Variants in LMO3 observed in about 807,000 individuals in gnomAD.
LMO3 encodes LIM domain only 3.
A neutral mutation model predicts 15.8 loss-of-function variants in LMO3; 2 were observed. That is an observed-to-expected ratio of 0.13 (90% CI 0.05 to 0.40). LMO3 has a LOEUF of 0.40. Among genes scored for constraint, LMO3 ranks in the 10% least tolerant of loss-of-function variants. The probability of loss-of-function intolerance (pLI) is 0.99; values close to 1 mark genes in which losing one functional copy is unlikely to be tolerated. For missense variants in LMO3, 86 were observed against 182.2 expected, an observed-to-expected ratio of 0.47 and a Z score of 3.04; for synonymous variants, 62 against 63.8, an observed-to-expected ratio of 0.97 and a Z score of 0.13.
At chr12:16,605,732 A>C in intron 1 of LMO3, 2 of 1,529,502 alleles carry the variant, frequency 1.3e-6, no homozygotes, top group East Asian at 2.4e-5. Context: ...ACTGCAGTTC[A>C]TGGTGAACTT....
At chr12:16,564,665 G>C (rs1183265812) in intron 2 of LMO3, among the ~76,000 whole-genome samples, 1 of 152,148 alleles carries the variant, frequency 6.6e-6, no homozygotes, top group East Asian at 1.9e-4. Context: ...CATAGTATTT[G>C]ACTCAAAGTA....
rs1237534587 is a variant in LMO3 at position 16,605,439 on chromosome 12, C to G, written c.-9+627G>C. 23 of 644,882 alleles carry G rather than the reference C, an allele frequency of 3.6e-5. 1 individual carries two copies. In the South Asian group the frequency reaches 8.6e-4, roughly 24 times the overall value. 39.9% of individuals were successfully genotyped at this position (644,882 alleles called of 1,614,324 possible). On this transcript the variant is annotated intron_variant, in intron 1 of 3. Transcript: ENST00000537304. The stretch of plus-strand genomic sequence containing the variant: ...CCACTTCTGCCCCTACCCGCCTGCC[C>G]CCCCCCCCCGCCCCCATGCCCAAAC...
chr12:16,592,675 T>TAAA (rs1387371561), intron 2 of LMO3, among the ~76,000 whole-genome samples: 1 of 151,872 alleles, frequency 6.6e-6, no homozygotes, highest in Non-Finnish European at 1.5e-5. Context: ...GAGCAGCTAA[T>TAAA]AAACAAAAAA....
intron 2 of LMO3, among the ~76,000 whole-genome samples, chr12:16,580,454 G>A (rs1943124855): frequency 6.6e-6 from 1 of 152,220 alleles, no homozygotes; most frequent in Non-Finnish European, 1.5e-5. Context: ...TCAAGATTAA[G>A]AGAAACTTCA....
intron 2 of LMO3, among the ~76,000 whole-genome samples, chr12:16,574,158 G>A (rs180904585): frequency 7.0e-4 from 107 of 152,158 alleles, no homozygotes; most frequent in Non-Finnish European, 1.3e-3. Flanking sequence ...CCAAGACCCA[G>A]AGTAAGTTAG....
intron 2 of LMO3, among the ~76,000 whole-genome samples, chr12:16,579,898 T>C (rs1365542120): frequency 1.3e-5 from 2 of 152,182 alleles, no homozygotes; most frequent in East Asian, 3.8e-4. Flanking sequence ...TTATACCCAC[T>C]AGGTTTAATT....
In LMO3 at chr12:16,565,590, T is replaced by C. The variant is rs555280808; in HGVS notation, c.207-5052A>G. Among the ~76,000 whole-genome samples, 43 of 152,276 alleles carry C rather than the reference T, an allele frequency of 2.8e-4. No homozygotes were observed. In the South Asian group the frequency reaches 8.7e-3, roughly 31 times the overall value. The stretch of plus-strand genomic sequence containing the variant: ...AACACTGAACATTTTAGAATGTACA[T>C]ATAAAAATATAAATGTTTAACATTA... On this transcript the variant is annotated intron_variant, in intron 2 of 3. Coordinates refer to ENST00000537304, the MANE Select transcript of LMO3 (RefSeq NM_018640.5).
intron 2 of LMO3, among the ~76,000 whole-genome samples, chr12:16,565,451 T>C (rs1469588052): frequency 6.6e-6 from 1 of 152,204 alleles, no homozygotes; most frequent in Non-Finnish European, 1.5e-5. Flanking sequence ...AGTTAGCCCA[T>C]TACAGGCTGT....
chr12:16,604,888 A>C lies in LMO3; in HGVS notation c.-9+1178T>G. The C allele has an allele frequency of 6.3e-7, 1 of 1,598,456 alleles. No homozygotes were observed. Among genetic ancestry groups the C allele is most frequent in the Non-Finnish European group, 8.5e-7 (1 of 1,179,810 alleles). On this transcript the variant is annotated intron_variant, in intron 1 of 3. Transcript: ENST00000537304. This position sits in a 1 kb window ranked among gnomAD's most constrained non-coding sequence, Gnocchi z 5.3. ...ACCAAAACTTTTCTCCTTTTTCTGCATGAGTTGACTTAGGCGTGTCTGAGT... is the reference window on the plus strand; with the variant it reads ...ACCAAAACTTTTCTCCTTTTTCTGCCTGAGTTGACTTAGGCGTGTCTGAGT...
chr12:16,566,505 A>G (rs1942615721), intron 2 of LMO3, among the ~76,000 whole-genome samples: 1 of 152,176 alleles, frequency 6.6e-6, no homozygotes, highest in African/African-American at 2.4e-5. Context: ...GCATTGAAAC[A>G]TCAGACTGTA....
intron 2 of LMO3, among the ~76,000 whole-genome samples, chr12:16,569,461 C>T (rs2137421884): frequency 6.6e-6 from 1 of 152,272 alleles, no homozygotes. Flanking sequence ...TATACTTTCC[C>T]TTTCAACAAA....
chr12:16,575,694 T>C (rs1942971812), intron 2 of LMO3, among the ~76,000 whole-genome samples: 1 of 152,050 alleles, frequency 6.6e-6, no homozygotes, highest in African/African-American at 2.4e-5. Flanking sequence ...CACTGAGCCA[T>C]TTAGGATTTC....
chr12:16,553,966 T>C (rs1368368552), intron 3 of LMO3, among the ~76,000 whole-genome samples: 1 of 152,152 alleles, frequency 6.6e-6, no homozygotes, highest in Non-Finnish European at 1.5e-5. Flanking sequence ...ATCTTTCTTG[T>C]AATCTGACCC....
upstream of LMO3, chr12:16,606,507 C>T (rs1944007722): frequency 6.6e-6 from 1 of 152,182 alleles, no homozygotes; most frequent in South Asian, 2.1e-4. Context: ...CAGCTCCCTT[C>T]CGATTTAAGA....
chr12:16,607,611 C>T (rs1944041636), upstream of LMO3: 1 of 152,086 alleles, frequency 6.6e-6, no homozygotes, highest in Admixed American at 6.6e-5. Flanking sequence ...TTTTACAAAG[C>T]TTTGTCAGAG....
intron 1 of LMO3, 151 bp downstream of exon 1, chr12:16,605,915 C>T: frequency 7.8e-7 from 1 of 1,283,158 alleles, no homozygotes; most frequent in Non-Finnish European, 1.1e-6. Flanking sequence ...GTGAAAGTTG[C>T]AGTGCGGAGC....
At chr12:16,595,757 T>G (rs562538259) in intron 2 of LMO3, among the ~76,000 whole-genome samples, 21 of 151,534 alleles carry the variant, frequency 1.4e-4, no homozygotes, top group African/African-American at 4.8e-4. Context: ...ACATAAAAAT[T>G]ATGACAATAA....
chr12:16,604,429 TCA>T lies in LMO3; in HGVS notation c.-9+1635_-9+1636del, dbSNP rs896322800. Among the ~76,000 whole-genome samples the T allele has an allele frequency of 6.6e-6, 1 of 152,014 alleles. No individual in the cohort carries two copies. The highest frequency in any genetic ancestry group is 1.5e-5 in the Non-Finnish European group (1 of 68,020). On this transcript the variant is annotated intron_variant, in intron 1 of 3. Transcript: ENST00000537304. The surrounding 1 kb of genome is among the most constrained non-coding windows in gnomAD (Gnocchi z 5.3). The stretch of plus-strand genomic sequence containing the variant: ...TTTTTCTCCAATGCAGCTGCAAGGC[TCA>T]GAGATACTGACATTTTTCCACTCTT...
upstream of LMO3, chr12:16,607,953 T>TCACAGACGG (rs1944056412): frequency 6.6e-6 from 1 of 152,148 alleles, no homozygotes; most frequent in African/African-American, 2.4e-5. Flanking sequence ...ATAACGATAT[T>TCACAGACGG]CACAGACGGT....
Sources: allele counts gnomAD v4.1 joint callset (sites outside exome capture counted in the v4.1 genomes callset), GRCh38; gene constraint gnomAD v4.1.1; non-coding constraint Gnocchi (gnomAD v3.1); transcripts MANE v1.5; gene names NCBI Gene and HGNC (gene_info 2026-07-23, HGNC 2026-07-21).